The following PPP1R12B variants were observed in gnomAD, a reference collection of about 807,000 sequenced individuals.
PPP1R12B encodes the protein protein phosphatase 1 regulatory subunit 12B.
PPP1R12B carries 76 observed loss-of-function variants against 126.1 expected under a neutral mutation model. The observed-to-expected ratio is 0.60, with a 90% CI of 0.50 to 0.73. PPP1R12B has a LOEUF of 0.73. Ranked by LOEUF, PPP1R12B falls within the 30% of genes least tolerant of loss-of-function variation. PPP1R12B has a pLI of 0.00. For missense variants in PPP1R12B, 1,052 were observed against 1,205.1 expected, an observed-to-expected ratio of 0.87 and a Z score of 1.88; for synonymous variants, 356 against 434.7, an observed-to-expected ratio of 0.82 and a Z score of 2.25.
At chr1:202,544,672 A>G (rs1372305188) in intron 18 of PPP1R12B, among the ~76,000 whole-genome samples, 1 of 152,204 alleles carries the variant, frequency 6.6e-6, no homozygotes, top group African/African-American at 2.4e-5. Flanking sequence ...TTTCCCATTT[A>G]GTCTGGATTG....
intron 1 of PPP1R12B, among the ~76,000 whole-genome samples, chr1:202,373,307 G>A (rs1483193142): frequency 6.6e-6 from 1 of 152,074 alleles, no homozygotes; most frequent in African/African-American, 2.4e-5. Flanking sequence ...AATTTTGATG[G>A]TGTCTAATTT....
chr1:202,567,899 TATTC>T (rs1330987637), intron 22 of PPP1R12B, 68 bp downstream of exon 22: 19 of 1,556,952 alleles, frequency 1.2e-5, no homozygotes, highest in Non-Finnish European at 1.6e-5. Flanking sequence ...CCCACTTTGT[TATTC>T]ATGCCAATGG....
chr1:202,388,498 G>GC (rs1345998061), intron 1 of PPP1R12B, among the ~76,000 whole-genome samples: 1 of 152,100 alleles, frequency 6.6e-6, no homozygotes, highest in Non-Finnish European at 1.5e-5. Context: ...GAGCCACCAC[G>GC]CCCAGCCTAT....
intron 18 of PPP1R12B, among the ~76,000 whole-genome samples, chr1:202,535,786 T>C (rs1684470040): frequency 6.6e-6 from 1 of 152,224 alleles, no homozygotes; most frequent in Admixed American, 6.5e-5. Context: ...ATTCAGTTCT[T>C]ATTTTTACAG....
rs1262747219 is a variant in PPP1R12B, at chr1:202,592,605, T to A, written c.*12045T>A. 6.6e-6 allele frequency: 1 copy of A among 152,218 alleles called. No homozygotes were observed. The highest frequency in any genetic ancestry group is 2.4e-5 in the African/African-American group (1 of 41,456). The allele number at this position is 152,218 out of a possible 1,614,324, so 9.4% of individuals were successfully genotyped here. A position where few individuals can be genotyped will look rare whatever the true frequency, so the allele number is the denominator to read the frequency against. On this transcript the variant is annotated 3_prime_UTR_variant, in exon 24 of 24. Transcript: ENST00000608999. The stretch of plus-strand genomic sequence containing the variant: ...GGTAATTATCTTCTTTTATATATAA[T>A]TAAATATACACGGATGGGGGCAGAT...
chr1:202,496,009 A>T (rs536945563), intron 17 of PPP1R12B, among the ~76,000 whole-genome samples: 1 of 152,352 alleles, frequency 6.6e-6, no homozygotes, highest in African/African-American at 2.4e-5. Context: ...AGTCCTTCCT[A>T]ATATTCCCTG....
Position 202,508,579 on chromosome 1 carries a change from A to G in PPP1R12B, c.2490+11757A>G, listed in dbSNP as rs1681081730. 6.6e-6 allele frequency among the ~76,000 whole-genome samples: 1 copy of G among 152,270 alleles called. No homozygotes were observed. The highest frequency in any genetic ancestry group is 2.1e-4 in the South Asian group (1 of 4,838). ...AAGGCAAACAACATGTTTGAGTATT[A>G]TGTCACCAAATAAAACATTGTATAC... On this transcript the variant is annotated intron_variant, in intron 18 of 23. Coordinates refer to ENST00000608999, the MANE Select transcript of PPP1R12B (RefSeq NM_002481.4). The surrounding 1 kb of genome is among the most constrained non-coding windows in gnomAD (Gnocchi z 4.5).
chr1:202,479,528 C>T (rs946609179), intron 13 of PPP1R12B, among the ~76,000 whole-genome samples: 26 of 152,264 alleles, frequency 1.7e-4, no homozygotes, highest in Admixed American at 4.6e-4. Flanking sequence ...TTTTCGTAGT[C>T]TCATGGGACT....
At chr1:202,503,908 G>A (rs12734799) in intron 18 of PPP1R12B, among the ~76,000 whole-genome samples, 1 of 151,768 alleles carries the variant, frequency 6.6e-6, no homozygotes, top group Admixed American at 6.6e-5. Context: ...GCTAGAAATT[G>A]CTTCCTTTCT....
Position 202,588,873 on chromosome 1 carries a change from A to AGATAGATAGATG in PPP1R12B, c.*8313_*8314insGATAGATAGATG, listed in dbSNP as rs1553332024. The AGATAGATAGATG allele has an allele frequency of 2.6e-5, 3 of 116,368 alleles. No homozygotes were observed. Among genetic ancestry groups the AGATAGATAGATG allele is most frequent in the Non-Finnish European group, 5.0e-5 (3 of 60,336 alleles). 7.2% of individuals were successfully genotyped at this position (116,368 alleles called of 1,614,324 possible). On this transcript the variant is annotated 3_prime_UTR_variant, in exon 24 of 24. Coordinates refer to ENST00000608999, the MANE Select transcript of PPP1R12B (RefSeq NM_002481.4). ...TAGATAGATAGATAGATAGATAGAT[A>AGATAGATAGATG]TCAAGGTTCCAAGCTTCAAGTAACC...
At chr1:202,389,751 A>G (rs1188695483) in intron 1 of PPP1R12B, among the ~76,000 whole-genome samples, 1 of 151,950 alleles carries the variant, frequency 6.6e-6, no homozygotes, top group Non-Finnish European at 1.5e-5. Flanking sequence ...ACATAGTGAA[A>G]CCCTGTCTCT....
chr1:202,521,274 A>G (rs1470893124), intron 18 of PPP1R12B, among the ~76,000 whole-genome samples: 3 of 152,188 alleles, frequency 2.0e-5, no homozygotes, highest in Admixed American at 1.3e-4. Context: ...CCCTATAGAT[A>G]CAGGTACTTA....
In PPP1R12B at chr1:202,374,525, T is replaced by C. The variant is rs1660843223; in HGVS notation, c.291+25383T>C. On this transcript the variant is annotated intron_variant, in intron 1 of 23. Coordinates refer to ENST00000608999, the MANE Select transcript of PPP1R12B (RefSeq NM_002481.4). ...TTTTTTTTTTTTTTTTGAGACGGAGTCTCACTCTGTCACCCAGGCTGGAGT... is the reference window on the plus strand; with the variant it reads ...TTTTTTTTTTTTTTTTGAGACGGAGCCTCACTCTGTCACCCAGGCTGGAGT... Among the ~76,000 whole-genome samples the C allele has an allele frequency of 4.4e-5, 5 of 113,298 alleles. No individual in the cohort carries two copies. In the Admixed American group the frequency reaches 6.6e-4, roughly 15 times the overall value. 74.3% of individuals were successfully genotyped at this position (113,298 alleles called of 152,430 possible). A position where few individuals can be genotyped will look rare whatever the true frequency, so the allele number is the denominator to read the frequency against.
intron 18 of PPP1R12B, among the ~76,000 whole-genome samples, chr1:202,499,222 T>C (rs1032764858): frequency 2.0e-5 from 3 of 152,140 alleles, no homozygotes; most frequent in African/African-American, 7.2e-5. Context: ...GGACAGAGAA[T>C]TGAATGGAAA....
chr1:202,431,762 G>A, intron 8 of PPP1R12B, 143 bp downstream of exon 8: 3 of 736,582 alleles, frequency 4.1e-6, no homozygotes, highest in Non-Finnish European at 6.7e-6. Context: ...CAAATTGCCA[G>A]TGACCACCTG....
intron 1 of PPP1R12B, among the ~76,000 whole-genome samples, chr1:202,383,790 C>A (rs1198818072): frequency 6.6e-6 from 1 of 152,122 alleles, no homozygotes; most frequent in East Asian, 1.9e-4. Flanking sequence ...ATATACACAG[C>A]ACCTATTCAT....
intron 7 of PPP1R12B, 28 bp downstream of exon 7, chr1:202,430,838 A>C (rs1439218895): frequency 1.2e-6 from 2 of 1,607,890 alleles, no homozygotes; most frequent in Non-Finnish European, 1.7e-6. Context: ...GAGTAATGGG[A>C]TGAGCTTTGC....
intron 13 of PPP1R12B, among the ~76,000 whole-genome samples, chr1:202,457,115 A>C (rs1044684120): frequency 6.6e-6 from 1 of 152,252 alleles, no homozygotes; most frequent in African/African-American, 2.4e-5. Flanking sequence ...TGGTTTTTAA[A>C]GTATAAGATT....
At chr1:202,357,438 A>G (rs1431561671) in intron 1 of PPP1R12B, among the ~76,000 whole-genome samples, 1 of 152,148 alleles carries the variant, frequency 6.6e-6, no homozygotes, top group Non-Finnish European at 1.5e-5. Context: ...CATTAAGGAT[A>G]ACTTGTCTTT....
Sources: gnomAD v4.1 joint callset for allele counts (sites outside exome capture counted in the v4.1 genomes callset) on GRCh38, gnomAD v4.1.1 for gene constraint, Gnocchi (gnomAD v3.1) non-coding constraint, MANE v1.5 for transcripts, NCBI Gene and HGNC (gene_info 2026-07-23, HGNC 2026-07-21) for gene names.